FRMD5: variants seen among roughly 807,000 people sequenced by gnomAD.
FRMD5 encodes FERM domain containing 5, also known as FERM domain-containing protein 5.
In FRMD5, 20 loss-of-function variants were observed where a neutral mutation model predicts 69.0. The ratio of observed to expected loss-of-function variants is 0.29; its 90% CI spans 0.20 to 0.42. The LOEUF (loss-of-function observed/expected upper bound fraction) is 0.42. FRMD5 is among the 10% of genes least tolerant of loss of function. The pLI is 1.00. For missense variants in FRMD5, 595 were observed against 708.6 expected (o/e 0.84, Z 1.82); for synonymous variants, 271 against 260.1 (o/e 1.04, Z -0.40).
chr15:44,172,167 G>A (rs960697320), intron 1 of FRMD5, among the ~76,000 whole-genome samples: 4 of 151,140 alleles, frequency 2.6e-5, no homozygotes, highest in Non-Finnish European at 5.9e-5. Flanking sequence ...CATGGTTCAC[G>A]GCAGCCTCGA....
chr15:43,956,317 C>T (rs2090115226), intron 1 of FRMD5, among the ~76,000 whole-genome samples: 1 of 151,990 alleles, frequency 6.6e-6, no homozygotes, highest in Non-Finnish European at 1.5e-5. Context: ...CTTTTTTTCC[C>T]TAAGTCTCCT....
intron 1 of FRMD5, among the ~76,000 whole-genome samples, chr15:44,129,981 G>A (rs910015511): frequency 6.6e-6 from 1 of 152,110 alleles, no homozygotes; most frequent in African/African-American, 2.4e-5. Context: ...GCCAACCAAG[G>A]ACCTCAATGT....
chr15:43,874,109 A>C lies in FRMD5; in HGVS notation c.1489T>G (p.Phe497Val). ...SGPEEEQVNK[F>V]VLSVLRLLLV... ...AGCAAACGGAGGACACTTAGAACAA[A>C]CTTATTCACCTGTTCCTCCTCGGGC... Residue 497 changes from phenylalanine (F) to valine (V), a missense_variant, in exon 14 of 14, where the codon TTT becomes GTT. Phe to Val is a conservative substitution (Grantham distance 50, BLOSUM62 -1). Transcript: ENST00000417257. 1.9e-6 allele frequency: 3 copies of C among 1,614,098 alleles called. No individual in the cohort carries two copies. The highest frequency in any genetic ancestry group is 2.5e-6 in the Non-Finnish European group (3 of 1,180,010).
chr15:43,943,146 A>G (rs755992266), intron 1 of FRMD5, among the ~76,000 whole-genome samples: 5 of 152,134 alleles, frequency 3.3e-5, no homozygotes, highest in Non-Finnish European at 5.9e-5. Context: ...GAGGCTGAGG[A>G]AGACAGAATT....
At chr15:43,996,148 G>A (rs1200278835) in intron 1 of FRMD5, among the ~76,000 whole-genome samples, 1 of 151,962 alleles carries the variant, frequency 6.6e-6, no homozygotes, top group Non-Finnish European at 1.5e-5. Flanking sequence ...CCTGGGGTGG[G>A]CCTGCAGACT....
At chr15:43,889,692 T>G (rs1028307398) in intron 8 of FRMD5, among the ~76,000 whole-genome samples, 2 of 152,170 alleles carry the variant, frequency 1.3e-5, no homozygotes, top group African/African-American at 4.8e-5. Flanking sequence ...TACTGGGTCT[T>G]AGGTGAATGT....
At chr15:44,093,889 G>A (rs781538871) in intron 1 of FRMD5, among the ~76,000 whole-genome samples, 2 of 151,646 alleles carry the variant, frequency 1.3e-5, no homozygotes, top group Admixed American at 6.6e-5. Flanking sequence ...TCTTAATGGA[G>A]CAATACAACC....
intron 1 of FRMD5, among the ~76,000 whole-genome samples, chr15:44,162,698 A>C (rs1165521267): frequency 4.7e-5 from 7 of 149,668 alleles, no homozygotes; most frequent in Admixed American, 2.7e-4. Flanking sequence ...AGAAACTCCG[A>C]CTCTACTAAA....
Position 44,060,439 on chromosome 15 carries a change from T to G in FRMD5, c.102+134514A>C, listed in dbSNP as rs117176937. Among the ~76,000 whole-genome samples the G allele has an allele frequency of 2.5e-3, 382 of 152,298 alleles. 1 individual carries two copies. Among genetic ancestry groups the G allele is most frequent in the Non-Finnish European group, 3.7e-3 (254 of 68,024 alleles). On this transcript the variant is annotated intron_variant, in intron 1 of 13. Transcript: ENST00000417257. ...TCAGCTTCATGCCCTGCACCATATATATCTACAACACAGAACACTGACATT... is the reference window on the plus strand; with the variant it reads ...TCAGCTTCATGCCCTGCACCATATAGATCTACAACACAGAACACTGACATT...
intron 8 of FRMD5, among the ~76,000 whole-genome samples, chr15:43,889,541 C>T (rs1023417480): frequency 4.6e-5 from 7 of 152,184 alleles, no homozygotes; most frequent in Non-Finnish European, 1.0e-4. Flanking sequence ...AAGAGGCAAA[C>T]AGGATACTGG....
chr15:44,070,314 T>TAAAAA (rs1893485947), intron 1 of FRMD5, among the ~76,000 whole-genome samples: 1 of 138,848 alleles, frequency 7.2e-6, no homozygotes, highest in African/African-American at 2.7e-5. Flanking sequence ...ATTTATAAAA[T>TAAAAA]AAAAATAAGA....
rs1303665671 is a variant in FRMD5 at position 43,873,695 on chromosome 15, T to G, written c.*190A>C. ...CTGAAGAAAATGAGTTTTCCCAGTT[T>G]GTTTAGACAGGGCATGAGCCTATCC... On this transcript the variant is annotated 3_prime_UTR_variant, in exon 14 of 14. Transcript: ENST00000417257. 1 of 1,513,982 alleles carries G rather than the reference T, an allele frequency of 6.6e-7. No individual in the cohort carries two copies. The highest frequency in any genetic ancestry group is 8.8e-7 in the Non-Finnish European group (1 of 1,141,072). 93.8% of individuals were successfully genotyped at this position (1,513,982 alleles called of 1,614,324 possible).
chr15:44,070,827 T>G (rs993500132), intron 1 of FRMD5, among the ~76,000 whole-genome samples: 2 of 152,228 alleles, frequency 1.3e-5, no homozygotes, highest in African/African-American at 4.8e-5. Flanking sequence ...CATTCCAATG[T>G]TAGGCAGCTA....
chr15:44,162,263 CTTTTT>C (rs11357741), intron 1 of FRMD5, among the ~76,000 whole-genome samples: 1 of 125,052 alleles, frequency 8.0e-6, no homozygotes, highest in Non-Finnish European at 1.7e-5. Context: ...CGTGCCAGGC[CTTTTT>C]TTTTTTTTTT....
intron 1 of FRMD5, among the ~76,000 whole-genome samples, chr15:44,009,062 C>T (rs1032855486): frequency 5.3e-5 from 8 of 152,016 alleles, no homozygotes; most frequent in Non-Finnish European, 7.4e-5. Flanking sequence ...ATTAGCTTCC[C>T]GACGACAGGA....
At chr15:44,109,683 T>C (rs935638023) in intron 1 of FRMD5, among the ~76,000 whole-genome samples, 1 of 152,134 alleles carries the variant, frequency 6.6e-6, no homozygotes, top group Non-Finnish European at 1.5e-5. Flanking sequence ...ATAGTTCACA[T>C]TAGGGTTCAC....
chr15:44,020,835 A>T (rs1327337665), intron 1 of FRMD5, among the ~76,000 whole-genome samples: 4 of 152,304 alleles, frequency 2.6e-5, no homozygotes, highest in Admixed American at 1.3e-4. Flanking sequence ...ATCACAGGTA[A>T]TTTCAAGCTA....
At chr15:44,053,014 C>T (rs984315019) in intron 1 of FRMD5, among the ~76,000 whole-genome samples, 6 of 152,004 alleles carry the variant, frequency 3.9e-5, no homozygotes. Context: ...CTAAGTGTTA[C>T]AAAGAAGAGG....
chr15:44,151,726 G>T (rs2077450112), intron 1 of FRMD5, among the ~76,000 whole-genome samples: 1 of 151,912 alleles, frequency 6.6e-6, no homozygotes, highest in Admixed American at 6.6e-5. Flanking sequence ...AAAGGCACAA[G>T]CAAGGAAAGA....
Sources: allele counts gnomAD v4.1 joint callset (sites outside exome capture counted in the v4.1 genomes callset), GRCh38; gene constraint gnomAD v4.1.1; transcripts MANE v1.5; gene names NCBI Gene and HGNC (gene_info 2026-07-23, HGNC 2026-07-21).